Variants in ATG4C observed in about 807,000 individuals in gnomAD.
The protein encoded by ATG4C is autophagy related 4C cysteine peptidase.
A neutral mutation model predicts 57.6 loss-of-function variants in ATG4C; 56 were observed. The ratio of observed to expected loss-of-function variants is 0.97; its 90% CI spans 0.78 to 1.21. The LOEUF (loss-of-function observed/expected upper bound fraction) is 1.21. ATG4C is among the 50% of genes most tolerant of loss of function. The pLI is 0.00. For missense variants in ATG4C, 595 were observed against 529.8 expected (o/e 1.12, Z -1.21); for synonymous variants, 157 against 174.1 (o/e 0.90, Z 0.78).
intron 10 of ATG4C, among the ~76,000 whole-genome samples, chr1:62,849,517 C>CT (rs886127646): frequency 4.7e-4 from 69 of 146,108 alleles, no homozygotes; most frequent in Admixed American, 6.2e-4. Flanking sequence ...CATACTTTAT[C>CT]TTTTTTTTTT....
At chr1:62,826,198 C>G (rs1186917135) in intron 6 of ATG4C, among the ~76,000 whole-genome samples, 2 of 151,334 alleles carry the variant, frequency 1.3e-5, no homozygotes, top group Non-Finnish European at 2.9e-5. Flanking sequence ...CGTGACCCAC[C>G]ACACCTGGCC....
At chr1:62,792,980 G>A (rs568396695) in intron 1 of ATG4C, among the ~76,000 whole-genome samples, 2 of 151,278 alleles carry the variant, frequency 1.3e-5, no homozygotes, top group African/African-American at 4.9e-5. Flanking sequence ...TGCACGTCCC[G>A]GGTTCACGCC....
At chr1:62,859,662 A>G (rs1259704563) in intron 10 of ATG4C, among the ~76,000 whole-genome samples, 2 of 151,568 alleles carry the variant, frequency 1.3e-5, no homozygotes, top group Non-Finnish European at 1.5e-5. Context: ...GAGAAAACAT[A>G]TTTCTTCAAT....
intron 1 of ATG4C, among the ~76,000 whole-genome samples, chr1:62,796,162 T>A (rs866620228): frequency 1.3e-5 from 2 of 151,542 alleles, no homozygotes; most frequent in Non-Finnish European, 2.9e-5. Flanking sequence ...TTTTAATTTT[T>A]TTTTTTTTAA....
chr1:62,799,062 T>C (rs1480713904), intron 1 of ATG4C, among the ~76,000 whole-genome samples: 1 of 151,930 alleles, frequency 6.6e-6, no homozygotes, highest in Non-Finnish European at 1.5e-5. Flanking sequence ...GCTGGGACTG[T>C]AGGCACACGC....
At chr1:62,809,892 C>T (rs1665018802) in intron 3 of ATG4C, among the ~76,000 whole-genome samples, 1 of 151,876 alleles carries the variant, frequency 6.6e-6, no homozygotes, top group Non-Finnish European at 1.5e-5. Context: ...ATAATATACA[C>T]AAATTTGAAG....
chr1:62,800,057 A>G (rs753478206), intron 1 of ATG4C, among the ~76,000 whole-genome samples: 8 of 152,204 alleles, frequency 5.3e-5, no homozygotes, highest in South Asian at 2.1e-4. Context: ...TAACATGTCT[A>G]ATTGCTCACT....
chr1:62,825,236 A>T (rs977961516), intron 6 of ATG4C, among the ~76,000 whole-genome samples: 3 of 21,928 alleles, frequency 1.4e-4, no homozygotes, highest in African/African-American at 2.2e-4. Context: ...ACTCCGTCTA[A>T]AAAAAAAAAA....
chr1:62,857,407 C>T (rs546873102), intron 10 of ATG4C, among the ~76,000 whole-genome samples: 1 of 152,162 alleles, frequency 6.6e-6, no homozygotes, highest in Non-Finnish European at 1.5e-5. Context: ...CCATCATCCC[C>T]AGATGGGACA....
At chr1:62,786,665 T>G (rs1664095048) in intron 1 of ATG4C, among the ~76,000 whole-genome samples, 1 of 152,234 alleles carries the variant, frequency 6.6e-6, no homozygotes, top group South Asian at 2.1e-4. Flanking sequence ...TTAGCATTTA[T>G]TTATTAACTA....
rs749465532 is a variant in ATG4C, at chr1:62,803,736, ACT to A, written c.-48_-47del. On this transcript the variant is annotated 5_prime_UTR_variant, in exon 2 of 11. Transcript: ENST00000317868. ...TTTTAAAGTCAGTATAAAAGATTAA[ACT>A]CTACAGAAGAATGCAATCAAGTGAT... 3.0e-5 allele frequency: 39 copies of A among 1,296,958 alleles called. No homozygotes were observed. In the South Asian group the frequency reaches 4.3e-4, roughly 14 times the overall value. 80.3% of individuals were successfully genotyped at this position (1,296,958 alleles called of 1,614,324 possible).
intron 10 of ATG4C, among the ~76,000 whole-genome samples, chr1:62,859,416 A>C (rs1283482414): frequency 1.3e-5 from 2 of 152,212 alleles, no homozygotes; most frequent in African/African-American, 4.8e-5. Context: ...CACAATGGTA[A>C]GTATTTGTGT....
intron 1 of ATG4C, among the ~76,000 whole-genome samples, chr1:62,786,696 TG>T (rs1664095723): frequency 6.6e-6 from 1 of 152,306 alleles, no homozygotes; most frequent in South Asian, 2.1e-4. Flanking sequence ...TAGGCCACAG[TG>T]GTATAGTAGT....
At chr1:62,787,513 C>T (rs1430149917) in intron 1 of ATG4C, among the ~76,000 whole-genome samples, 1 of 152,122 alleles carries the variant, frequency 6.6e-6, no homozygotes, top group Non-Finnish European at 1.5e-5. Flanking sequence ...TGATTTTTCT[C>T]TGAAATGCTT....
intron 3 of ATG4C, among the ~76,000 whole-genome samples, chr1:62,813,972 AG>A (rs1368928653): frequency 6.6e-6 from 1 of 152,202 alleles, no homozygotes; most frequent in African/African-American, 2.4e-5. Flanking sequence ...GTGGAGAAAT[AG>A]GAACGTTTTT....
intron 1 of ATG4C, among the ~76,000 whole-genome samples, chr1:62,789,693 T>C (rs1664206378): frequency 6.6e-6 from 1 of 151,938 alleles, no homozygotes; most frequent in African/African-American, 2.4e-5. Context: ...GGCGGGCGCC[T>C]GTAGTCCCAG....
intron 9 of ATG4C, among the ~76,000 whole-genome samples, chr1:62,836,765 ATT>A (rs1231144020): frequency 2.0e-5 from 3 of 151,984 alleles, no homozygotes; most frequent in Non-Finnish European, 2.9e-5. Context: ...TTGGGTCAGT[ATT>A]TTTTTGGTTA....
intron 10 of ATG4C, among the ~76,000 whole-genome samples, chr1:62,858,689 A>G (rs1442244328): frequency 6.6e-6 from 1 of 152,202 alleles, no homozygotes; most frequent in Non-Finnish European, 1.5e-5. Context: ...TTAAGAAAGA[A>G]ATACTCAGCA....
At chr1:62,850,944 G>A (rs1666505857) in intron 10 of ATG4C, among the ~76,000 whole-genome samples, 1 of 138,630 alleles carries the variant, frequency 7.2e-6, no homozygotes, top group Non-Finnish European at 1.5e-5. Flanking sequence ...TCTATCATCT[G>A]TTTATTCCAC....
Sources: gnomAD v4.1 joint callset for allele counts (sites outside exome capture counted in the v4.1 genomes callset) on GRCh38, gnomAD v4.1.1 for gene constraint, MANE v1.5 for transcripts, NCBI Gene and HGNC (gene_info 2026-07-23, HGNC 2026-07-21) for gene names.